The following XKR6 variants were observed in gnomAD, a reference collection of about 807,000 sequenced individuals.
XKR6 encodes XK-related protein 6.
Under a neutral mutation model 56.7 loss-of-function variants are expected in XKR6, and 22 were observed. That is an observed-to-expected ratio of 0.39 (90% CI 0.28 to 0.55). The LOEUF (loss-of-function observed/expected upper bound fraction) is 0.55, where lower values mean the gene tolerates loss of function less well. XKR6 is among the 20% of genes least tolerant of loss of function. The pLI is 0.66. For synonymous variants in XKR6, 524 were observed against 387.8 expected (o/e 1.35, Z -4.13); for missense variants, 852 against 889.0 (o/e 0.96, Z 0.53).
At chr8:11,097,483 TA>T (rs35577450) in intron 1 of XKR6, among the ~76,000 whole-genome samples, 13,686 of 85,578 alleles carry the variant, frequency 0.16, 1,090 homozygotes, top group African/African-American at 0.28. Flanking sequence ...TTTTTTTTTT[TA>T]AAAAAAAAAA....
At chr8:11,036,745 GA>G (rs1316112782) in intron 1 of XKR6, among the ~76,000 whole-genome samples, 1 of 152,212 alleles carries the variant, frequency 6.6e-6, no homozygotes, top group African/African-American at 2.4e-5. Context: ...ACCACAATTT[GA>G]AAACAGCCCT....
intron 1 of XKR6, among the ~76,000 whole-genome samples, chr8:11,148,657 C>T (rs1801115137): frequency 6.6e-6 from 1 of 152,178 alleles, no homozygotes; most frequent in Non-Finnish European, 1.5e-5. Context: ...ATCATATGAT[C>T]CAGCTATTCC....
At chr8:10,965,355 C>A (rs1447181184) in intron 1 of XKR6, among the ~76,000 whole-genome samples, 1 of 152,196 alleles carries the variant, frequency 6.6e-6, no homozygotes, top group Non-Finnish European at 1.5e-5. Context: ...CTCCGAGCAC[C>A]ACGGTCCCCC....
chr8:11,080,020 AAAAT>A (rs1402369567), intron 1 of XKR6, among the ~76,000 whole-genome samples: 19 of 151,804 alleles, frequency 1.3e-4, no homozygotes, highest in Non-Finnish European at 2.8e-4. Context: ...ATAAAGTTGA[AAAAT>A]AAAATAATCA....
chr8:11,132,652 G>T (rs568542776), intron 1 of XKR6, among the ~76,000 whole-genome samples: 1 of 151,860 alleles, frequency 6.6e-6, no homozygotes, highest in African/African-American at 2.4e-5. Flanking sequence ...ACGAGCCACC[G>T]CGTCTGGTCA....
In XKR6 at chr8:11,019,374, A is replaced by G. The variant is rs185863228; in HGVS notation, c.765-94544T>C. Among the ~76,000 whole-genome samples, 475 of 152,332 alleles carry G rather than the reference A, an allele frequency of 3.1e-3. 2 individuals are homozygous for G. The highest frequency in any genetic ancestry group is 0.014 in the Middle Eastern group (4 of 294). On this transcript the variant is annotated intron_variant, in intron 1 of 2. Transcript: ENST00000416569. ...TCCATCCCCTGGTAAAGACACAAGA[A>G]CAGGGGAGCTGAACCCTTCGCCTCT...
At chr8:11,143,397 T>A (rs1800804634) in intron 1 of XKR6, among the ~76,000 whole-genome samples, 1 of 152,200 alleles carries the variant, frequency 6.6e-6, no homozygotes, top group Non-Finnish European at 1.5e-5. Flanking sequence ...CTGAAGGGAT[T>A]AAATCCTAAT....
intron 1 of XKR6, among the ~76,000 whole-genome samples, chr8:11,069,889 G>C (rs147516887): frequency 1.8e-3 from 276 of 152,310 alleles, no homozygotes; most frequent in African/African-American, 6.4e-3. Context: ...AACTATCGGA[G>C]TCAACCTTGG....
intron 1 of XKR6, among the ~76,000 whole-genome samples, chr8:11,159,351 T>C (rs1056845141): frequency 5.3e-5 from 8 of 152,200 alleles, no homozygotes; most frequent in Non-Finnish European, 7.3e-5. Flanking sequence ...AATAACATAG[T>C]CTATACAACC....
intron 1 of XKR6, among the ~76,000 whole-genome samples, chr8:10,989,447 G>T (rs912956467): frequency 6.6e-6 from 1 of 152,144 alleles, no homozygotes; most frequent in South Asian, 2.1e-4. Flanking sequence ...TGATATCTAC[G>T]TTACGTTTAA....
At chr8:11,022,866 T>C (rs2129149120) in intron 1 of XKR6, among the ~76,000 whole-genome samples, 1 of 152,320 alleles carries the variant, frequency 6.6e-6, no homozygotes, top group East Asian at 1.9e-4. Flanking sequence ...ATTTAGTTCC[T>C]CAGGCACCTG....
chr8:11,124,919 C>G (rs1220540675), intron 1 of XKR6: 1 of 142,320 alleles, frequency 7.0e-6, no homozygotes, highest in Non-Finnish European at 1.5e-5. Context: ...CCCGTCACTA[C>G]TATTAAAAAA....
At chr8:11,068,645 C>T (rs1028509506) in intron 1 of XKR6, among the ~76,000 whole-genome samples, 7 of 152,156 alleles carry the variant, frequency 4.6e-5, no homozygotes, top group Admixed American at 3.3e-4. Context: ...ACATGGGCAG[C>T]GTGGGTTTCT....
chr8:10,946,987 T>A (rs1801570636), intron 1 of XKR6, among the ~76,000 whole-genome samples: 1 of 151,746 alleles, frequency 6.6e-6, no homozygotes, highest in African/African-American at 2.4e-5. Context: ...GAGGAAGGAA[T>A]AAGGGGAGGC....
chr8:11,124,275 C>G (rs2116866297), intron 1 of XKR6: 1 of 343,990 alleles, frequency 2.9e-6, no homozygotes, highest in Admixed American at 3.9e-5. Context: ...AGGCAAAACA[C>G]AAACCAGGAT....
At chr8:10,917,075 T>C (rs1800583496) in intron 2 of XKR6, among the ~76,000 whole-genome samples, 9 of 150,192 alleles carry the variant, frequency 6.0e-5, no homozygotes, top group Admixed American at 6.0e-4. Flanking sequence ...AAAGATGCTT[T>C]TTTTTTTTTT....
chr8:11,134,371 G>A (rs60859757), intron 1 of XKR6, among the ~76,000 whole-genome samples: 3,913 of 152,182 alleles, frequency 0.026, 175 homozygotes, highest in African/African-American at 0.089. Context: ...GAAAATATCT[G>A]AAACTAATAA....
intron 1 of XKR6, among the ~76,000 whole-genome samples, chr8:11,094,564 G>A (rs560460371): frequency 6.6e-6 from 1 of 152,076 alleles, no homozygotes; most frequent in East Asian, 1.9e-4. Context: ...AACAGAAAGG[G>A]ACTTCTCCTG....
intron 1 of XKR6, among the ~76,000 whole-genome samples, chr8:10,939,823 G>A (rs1460868195): frequency 6.6e-6 from 1 of 152,198 alleles, no homozygotes; most frequent in Admixed American, 6.5e-5. Flanking sequence ...GCCAGGGGCT[G>A]GGCCCTGCTG....
Sources: allele counts gnomAD v4.1 joint callset (sites outside exome capture counted in the v4.1 genomes callset), GRCh38; gene constraint gnomAD v4.1.1; transcripts MANE v1.5; gene names NCBI Gene and HGNC (gene_info 2026-07-23, HGNC 2026-07-21).